The following ZNF195 variants were observed in gnomAD, a reference collection of about 807,000 sequenced individuals.
The protein encoded by ZNF195 is zinc finger protein 195.
A neutral mutation model predicts 19.5 loss-of-function variants in ZNF195; 11 were observed. That is an observed-to-expected ratio of 0.57 (90% CI 0.36 to 0.94). The LOEUF is 0.94. Ranked by LOEUF, ZNF195 falls within the 40% of genes least tolerant of loss-of-function variation. The pLI, the probability that ZNF195 is intolerant of heterozygous loss-of-function variation, is 0.01. For synonymous variants in ZNF195, 214 were observed against 248.1 expected (o/e 0.86, Z 1.29); for missense variants, 582 against 709.0 (o/e 0.82, Z 2.03).
At chr11:3,371,471 C>T in intron 2 of ZNF195, 106 bp downstream of exon 2, 1 of 1,439,942 alleles carries the variant, frequency 6.9e-7, no homozygotes, top group Non-Finnish European at 9.6e-7. Context: ...AAGCAGGGAT[C>T]TGAAACTCAT....
At position 3,360,196 on chromosome 11, in the gene ZNF195, A is replaced by C; in HGVS notation, c.812T>G (p.Phe271Cys). The C allele has an allele frequency of 6.2e-7, 1 of 1,613,886 alleles. No homozygotes were observed. The highest frequency in any genetic ancestry group is 1.3e-5 in the African/African-American group (1 of 75,004). The stretch of plus-strand genomic sequence containing the variant: ...TTTGCCACATTCTCCACATTTTTGG[A>C]ATTTTTTTCCAGTGTGAATTTTCTG... ...EHQKIHTGKK[F>C]QKCGECGKTF... The change falls in exon 6 of 6, where the codon TTC becomes TGC. Residue 271 changes from phenylalanine to cysteine, a missense_variant. Around this residue, in one of 3 missense-constraint regions of ZNF195, gnomAD observed 407 missense variants for 530.5 expected, o/e 0.77. Coordinates refer to ENST00000399602, the MANE Select transcript of ZNF195 (RefSeq NM_001130520.3).
At chr11:3,374,184 C>G (rs1202042691) in intron 1 of ZNF195, among the ~76,000 whole-genome samples, 1 of 152,242 alleles carries the variant, frequency 6.6e-6, no homozygotes, top group Non-Finnish European at 1.5e-5. Flanking sequence ...GCTTCTCAAG[C>G]TTCAATGTGC....
chr11:3,360,174 G>A lies in ZNF195; in HGVS notation c.834C>T (p.Gly278=), dbSNP rs1218219181. 1 of 1,613,752 alleles carries A rather than the reference G, an allele frequency of 6.2e-7. No individual in the cohort carries two copies. Among genetic ancestry groups the A allele is most frequent in the African/African-American group, 1.3e-5 (1 of 74,878 alleles). The stretch of plus-strand genomic sequence containing the variant: ...AGTGTGAGCACTGGATAAAGGTTTT[G>A]CCACATTCTCCACATTTTTGGAATT... The part of the protein sequence containing the change: ...GKKFQKCGEC[G]KTFIQCSHFT... The change falls in exon 6 of 6, where the codon GGC becomes GGT. Residue 278 remains glycine, a synonymous_variant. Coordinates refer to ENST00000399602, the MANE Select transcript of ZNF195 (RefSeq NM_001130520.3).
rs147596026 is a variant in ZNF195 at position 3,368,420 on chromosome 11, T to A, written c.226+2555A>T. The stretch of plus-strand genomic sequence containing the variant: ...GCCAGAAGTTCAGAACCAGCCTGGG[T>A]GACACAGAGAGATCTCATCTCACAA... On this transcript the variant is annotated intron_variant, in intron 3 of 5. Coordinates refer to ENST00000399602, the MANE Select transcript of ZNF195 (RefSeq NM_001130520.3). Among the ~76,000 whole-genome samples, 1,045 of 152,282 alleles carry A rather than the reference T, an allele frequency of 6.9e-3. 12 individuals carry two copies. The highest frequency in any genetic ancestry group is 0.024 in the African/African-American group (994 of 41,554).
At position 3,370,980 on chromosome 11, in the gene ZNF195, T is replaced by G. The variant is rs1219275174; in HGVS notation, c.221A>C (p.His74Pro). 1.2e-6 allele frequency: 2 copies of G among 1,613,728 alleles called. No homozygotes were observed. Among genetic ancestry groups the G allele is most frequent in the African/African-American group, 2.7e-5 (2 of 74,920 alleles). Residue 74 changes from histidine to proline, a missense_variant, in exon 3 of 6, where the codon CAT (histidine) becomes CCT (proline). This residue lies in a region of ZNF195 where 129 missense variants were observed against 112.1 expected (regional missense o/e 1.15). Coordinates refer to ENST00000399602, the MANE Select transcript of ZNF195 (RefSeq NM_001130520.3). ...NVKRQEAADGHPEMGFHHATQ... is the reference protein window; with the variant it reads ...NVKRQEAADGPPEMGFHHATQ... ...CTTCGTTCATTCCCACCCACCTGGA[T>G]GTCCGTCTGCTGCCTCCTGTCTCTT...
chr11:3,360,390 T>C lies in ZNF195; in HGVS notation c.618A>G (p.Gln206=), dbSNP rs773780661. The C allele has an allele frequency of 9.3e-6, 15 of 1,610,668 alleles. No individual in the cohort carries two copies. Among genetic ancestry groups the C allele is most frequent in the Non-Finnish European group, 1.2e-5 (14 of 1,178,864 alleles). The change falls in exon 6 of 6, where the codon CAA becomes CAG. Residue 206 remains glutamine, a synonymous_variant. Transcript: ENST00000399602. ...KLQKDYNGLN[Q]CSSTTHSKIF... is the part of the protein sequence containing the mutation. ...TTTTGCTATGGGTAGTTGATGAACATTGGTTAAGTCCATTATAATCTTTTT... is the reference window on the plus strand; with the variant it reads ...TTTTGCTATGGGTAGTTGATGAACACTGGTTAAGTCCATTATAATCTTTTT...
At chr11:3,369,415 A>G (rs1849069434) in intron 3 of ZNF195, 5 of 424,070 alleles carry the variant, frequency 1.2e-5, no homozygotes, top group South Asian at 8.3e-5. Context: ...TAAAAGCAGC[A>G]TCTTGAAGAA....
rs759096709 is a variant in ZNF195 at position 3,360,029 on chromosome 11, A to G, written c.979T>C (p.Tyr327His). ...KNRIYAGGEH[Y>H]RCEEFGKVFN... ...ACTTTGCCAAATTCTTCACATCTGT[A>G]ATGTTCCCCTCCGGCATAAATTCTA... Residue 327 changes from tyrosine to histidine, a missense_variant, in exon 6 of 6, where the codon TAC becomes CAC. Physicochemically the swap from Tyr to His is moderately conservative, Grantham distance 83 (BLOSUM62 2). This residue lies in a region of ZNF195 where 407 missense variants were observed against 530.5 expected (regional missense o/e 0.77). Transcript: ENST00000399602. 7 of 1,614,038 alleles carry G rather than the reference A, an allele frequency of 4.3e-6. No homozygotes were observed. The highest frequency in any genetic ancestry group is 5.9e-6 in the Non-Finnish European group (7 of 1,180,026).
intron 1 of ZNF195, among the ~76,000 whole-genome samples, chr11:3,372,879 G>A (rs1849286471): frequency 6.6e-6 from 1 of 152,154 alleles, no homozygotes; most frequent in Non-Finnish European, 1.5e-5. Flanking sequence ...CTACCCACAT[G>A]TGCCACCACG....
At chr11:3,366,446 G>A (rs919674220) in intron 3 of ZNF195, among the ~76,000 whole-genome samples, 7 of 152,022 alleles carry the variant, frequency 4.6e-5, no homozygotes, top group African/African-American at 1.7e-4. Context: ...CATTTGATAG[G>A]AGTGTATCCT....
At chr11:3,369,744 A>G (rs1849097950) in intron 3 of ZNF195, among the ~76,000 whole-genome samples, 1 of 152,232 alleles carries the variant, frequency 6.6e-6, no homozygotes, top group African/African-American at 2.4e-5. Context: ...GGGGAAAATG[A>G]GCTGTTGTTC....
At chr11:3,361,956 G>A (rs772844516) in intron 3 of ZNF195, 67 bp from the exon 4 acceptor site, 34 of 420,288 alleles carry the variant, frequency 8.1e-5, no homozygotes, top group Non-Finnish European at 1.4e-4. Context: ...CTACTCAGAA[G>A]GCTGGAGTGG....
chr11:3,364,233 G>A (rs1848758286), intron 3 of ZNF195, among the ~76,000 whole-genome samples: 1 of 152,164 alleles, frequency 6.6e-6, no homozygotes, highest in Non-Finnish European at 1.5e-5. Flanking sequence ...GGCCAAGGCA[G>A]GAGGGTTGCT....
intron 1 of ZNF195, chr11:3,373,524 A>C (rs1849313960): frequency 7.1e-7 from 1 of 1,407,508 alleles, no homozygotes; most frequent in Non-Finnish European, 9.8e-7. Flanking sequence ...TTCTAAACAC[A>C]TGACATTTCA....
In ZNF195 at chr11:3,371,585, A is replaced by C. The variant is rs201263817; in HGVS notation, c.122T>G (p.Phe41Cys). 136 of 1,614,134 alleles carry C rather than the reference A, an allele frequency of 8.4e-5. No homozygotes were observed. The African/African-American group carries it at 1.7e-3, about 20-fold the overall frequency. The change falls in exon 2 of 6, where the codon TTC (phenylalanine) becomes TGC (cysteine). Residue 41 changes from phenylalanine (F) to cysteine (C), a missense_variant. Physicochemically the swap from Phe to Cys is radical, Grantham distance 205. Transcript: ENST00000399602. ...ATTGAAGTTATCCTCACCAACGGAGAACAAGTTTCTGTAGTTCTCCAACAT... is the reference window on the plus strand; with the variant it reads ...ATTGAAGTTATCCTCACCAACGGAGCACAAGTTTCTGTAGTTCTCCAACAT... ...DVMLENYRNL[F>C]SVGLTVCKPG... is the part of the protein sequence containing the mutation.
Position 3,358,771 on chromosome 11 carries a change from TA to T in ZNF195, c.*346del. 1.9e-5 allele frequency: 1 copy of T among 52,636 alleles called. No individual in the cohort carries two copies. The highest frequency in any genetic ancestry group is 3.0e-4 in the East Asian group (1 of 3,356). The allele number at this position is 52,636 out of a possible 1,614,324, so 3.3% of individuals were successfully genotyped here. A position where few individuals can be genotyped will look rare whatever the true frequency, so the allele number is the denominator to read the frequency against. Reference sequence around the variant, plus strand: ...TGTCATTTCTGAACGTGTCCTTGCTTATTTTTCCCATTTAGTGTATTTGCAA... The same window carrying T: ...TGTCATTTCTGAACGTGTCCTTGCTTTTTTTCCCATTTAGTGTATTTGCAA... On this transcript the variant is annotated 3_prime_UTR_variant, in exon 6 of 6. Coordinates refer to ENST00000399602, the MANE Select transcript of ZNF195 (RefSeq NM_001130520.3).
rs975530209 is a variant in ZNF195 at position 3,378,880 on chromosome 11, C to T, written c.3+158G>A. Among the ~76,000 whole-genome samples, 16 of 152,296 alleles carry T rather than the reference C, an allele frequency of 1.1e-4. No homozygotes were observed. In the South Asian group the frequency reaches 1.2e-3, roughly 12 times the overall value. ...GCCAAAGCCGCTCTGCAGGGATGCGCCGGGGCGCGCGGGGCCCGGCCGCCA... is the reference window on the plus strand; with the variant it reads ...GCCAAAGCCGCTCTGCAGGGATGCGTCGGGGCGCGCGGGGCCCGGCCGCCA... On this transcript the variant is annotated intron_variant, in intron 1 of 5. Transcript: ENST00000399602.
intron 1 of ZNF195, among the ~76,000 whole-genome samples, chr11:3,372,932 C>A (rs2133726441): frequency 6.6e-6 from 1 of 152,320 alleles, no homozygotes; most frequent in South Asian, 2.1e-4. Flanking sequence ...TGGGGTTTCA[C>A]CATGTTGGTC....
chr11:3,360,652 A>G (rs1848593371), intron 5 of ZNF195, 68 bp downstream of exon 5: 12 of 1,558,004 alleles, frequency 7.7e-6, no homozygotes, highest in Non-Finnish European at 7.8e-6. Context: ...TACTGGGTAC[A>G]TTAGCAAAAT....
Sources: allele counts gnomAD v4.1 joint callset (sites outside exome capture counted in the v4.1 genomes callset), GRCh38; gene constraint gnomAD v4.1.1; regional missense constraint gnomAD v4.1.1; transcripts MANE v1.5; gene names NCBI Gene and HGNC (gene_info 2026-07-23, HGNC 2026-07-21).